Variants in CDCA7 observed in about 807,000 individuals in gnomAD.
CDCA7 encodes the protein cell division cycle-associated protein 7.
CDCA7 carries 28 observed loss-of-function variants against 54.0 expected under a neutral mutation model. The observed-to-expected ratio is 0.52, with a 90% CI of 0.38 to 0.71. The LOEUF (loss-of-function observed/expected upper bound fraction) is 0.71. CDCA7 is among the 30% of genes least tolerant of loss of function. CDCA7 has a pLI of 0.00. For synonymous variants in CDCA7, 180 were observed against 208.2 expected (o/e 0.86, Z 1.16); for missense variants, 484 against 586.0 (o/e 0.83, Z 1.80).
At chr2:173,355,823 T>C (rs1264771046) in intron 1 of CDCA7, among the ~76,000 whole-genome samples, 2 of 151,900 alleles carry the variant, frequency 1.3e-5, no homozygotes, top group Non-Finnish European at 2.9e-5. Flanking sequence ...GACAATGACA[T>C]GTTTAAAATA....
chr2:173,365,464 C>T lies in CDCA7; in HGVS notation c.907C>T (p.Pro303Ser), dbSNP rs781729910. ...CCTTGTAATGCAGGAAGATGACCTG[C>T]CCAGAAGCCGTCGCTCCAGATCATC... ...VDGYMNEDDL[P>S]RSRRSRSSVT... is the part of the protein sequence containing the mutation. Residue 303 changes from proline (P) to serine (S), a missense_variant, in exon 7 of 10, where the codon CCC becomes TCC. This residue lies in a region of CDCA7 where 398 missense variants were observed against 447.4 expected (regional missense o/e 0.89). Transcript: ENST00000306721. 2 of 1,613,374 alleles carry T rather than the reference C, an allele frequency of 1.2e-6. No homozygotes were observed. The highest frequency in any genetic ancestry group is 2.2e-5 in the East Asian group (1 of 44,880).
rs143686122 is a variant in CDCA7 at position 173,363,481 on chromosome 2, G to A, written c.621+19G>A. ...AGCAATGGTAGGTATCTGACTTTGT[G>A]TTAGAATTAATTTTTCCTCTCTAAG... is the stretch of plus-strand genomic sequence containing the variant. On this transcript the variant is annotated intron_variant, in intron 4 of 9. Transcript: ENST00000306721. The A allele has an allele frequency of 9.1e-4, 1,452 of 1,595,874 alleles. 24 individuals carry two copies. The East Asian group carries it at 0.031, about 34-fold the overall frequency.
At chr2:173,367,035 T>C in intron 8 of CDCA7, 115 bp from the exon 9 acceptor site, 1 of 1,393,490 alleles carries the variant, frequency 7.2e-7, no homozygotes, top group Non-Finnish European at 9.7e-7. Context: ...GCATGACTAA[T>C]GCCTATTAAT....
In CDCA7 at chr2:173,363,215, G is replaced by T. The variant is rs1320595944; in HGVS notation, c.385-11G>T. The T allele has an allele frequency of 6.2e-7, 1 of 1,613,468 alleles. No individual in the cohort carries two copies. The highest frequency in any genetic ancestry group is 2.2e-5 in the East Asian group (1 of 44,870). ...CTGATCAAGTCCTAATGACTCAATT[G>T]TTGTGATTAGAGGCTGCAGTCAGTT... On this transcript the variant is annotated splice_polypyrimidine_tract_variant and intron_variant, in intron 3 of 9. Transcript: ENST00000306721.
Position 173,365,463 on chromosome 2 carries a change from G to A in CDCA7, c.906G>A (p.Leu302=). ...TVDGYMNEDD[L]PRSRRSRSSV... ...TCCTTGTAATGCAGGAAGATGACCT[G>A]CCCAGAAGCCGTCGCTCCAGATCAT... Residue 302 remains leucine (L), a synonymous_variant, in exon 7 of 10, where the codon CTG becomes CTA. Coordinates refer to ENST00000306721, the MANE Select transcript of CDCA7 (RefSeq NM_031942.5). 6.2e-7 allele frequency: 1 copy of A among 1,613,464 alleles called. No individual in the cohort carries two copies.
In CDCA7 at chr2:173,359,233, CATTT is replaced by C. The variant is rs769639621; in HGVS notation, c.148-9_148-6del. The C allele has an allele frequency of 5.1e-6, 8 of 1,576,176 alleles. No homozygotes were observed. The highest frequency in any genetic ancestry group is 7.0e-6 in the Non-Finnish European group (8 of 1,150,950). ...GAAAAAGAAAAAAAATGCACAACCG[CATTT>C]ATTTATTTATTTTACAGAAACCTAA... On this transcript the variant is annotated intron_variant, in intron 2 of 9. Coordinates refer to ENST00000306721, the MANE Select transcript of CDCA7 (RefSeq NM_031942.5).
At chr2:173,362,702 G>A (rs1473338351) in intron 3 of CDCA7, among the ~76,000 whole-genome samples, 1 of 151,400 alleles carries the variant, frequency 6.6e-6, no homozygotes, top group Non-Finnish European at 1.5e-5. Context: ...AGCCTTCCAA[G>A]TAGCTGGGAC....
At chr2:173,365,254 C>T (rs990572310) in intron 6 of CDCA7, among the ~76,000 whole-genome samples, 198 bp from the exon 7 acceptor site, 1 of 152,160 alleles carries the variant, frequency 6.6e-6, no homozygotes, top group Non-Finnish European at 1.5e-5. Flanking sequence ...ATGGCCTGTT[C>T]CCCTACCATA....
In CDCA7 at chr2:173,367,620, T is replaced by A. The variant is rs200211368; in HGVS notation, c.1323-14T>A. On this transcript the variant is annotated splice_polypyrimidine_tract_variant and intron_variant, in intron 9 of 9. Transcript: ENST00000306721. ...AAAACTATGTCCTGACACATTTCCTTTTGTTTTTCACAGCCTGAAACAGGA... is the reference window on the plus strand; with the variant it reads ...AAAACTATGTCCTGACACATTTCCTATTGTTTTTCACAGCCTGAAACAGGA... The A allele has an allele frequency of 6.2e-7, 1 of 1,614,124 alleles. No individual in the cohort carries two copies. Among genetic ancestry groups the A allele is most frequent in the Non-Finnish European group, 8.5e-7 (1 of 1,179,998 alleles).
chr2:173,364,889 G>A lies in CDCA7; in HGVS notation c.794G>A (p.Arg265Gln), dbSNP rs368968744. 40 of 1,610,000 alleles carry A rather than the reference G, an allele frequency of 2.5e-5. No individual in the cohort carries two copies. The highest frequency in any genetic ancestry group is 2.0e-4 in the African/African-American group (15 of 74,746). ...CGTCCTCTTACCAGGTCAAGGTCCC[G>A]GATCCTCGGGTCCCTTGACGCTCTA... is the stretch of plus-strand genomic sequence containing the variant. ...RARPLTRSRS[R>Q]ILGSLDALPM... The change falls in exon 6 of 10, where the codon CGG (arginine) becomes CAG (glutamine). Residue 265 changes from arginine (R) to glutamine (Q), a missense_variant. Physicochemically the swap from Arg to Gln is conservative, Grantham distance 43 (BLOSUM62 1). Transcript: ENST00000306721.
At chr2:173,365,025 C>A in intron 6 of CDCA7, 36 bp downstream of exon 6, 1 of 1,527,532 alleles carries the variant, frequency 6.5e-7, no homozygotes, top group South Asian at 1.3e-5. Context: ...TCTTCTGATT[C>A]TCATCTTCGG....
intron 3 of CDCA7, among the ~76,000 whole-genome samples, chr2:173,360,641 A>G (rs1274633759): frequency 6.6e-6 from 1 of 152,030 alleles, no homozygotes; most frequent in Non-Finnish European, 1.5e-5. Flanking sequence ...ATGCCTGGGA[A>G]CTTTTAAAAA....
Position 173,354,962 on chromosome 2 carries a change from G to A in CDCA7, c.-2G>A. 6.9e-7 allele frequency: 1 copy of A among 1,454,788 alleles called. No individual in the cohort carries two copies. Among genetic ancestry groups the A allele is most frequent in the Non-Finnish European group, 9.0e-7 (1 of 1,111,454 alleles). The allele number at this position is 1,454,788 out of a possible 1,614,324, so 90.1% of individuals were successfully genotyped here. On this transcript the variant is annotated 5_prime_UTR_variant, in exon 1 of 10. Coordinates refer to ENST00000306721, the MANE Select transcript of CDCA7 (RefSeq NM_031942.5). ...GCGCCGATCTGGGCACCCGCCACCA[G>A]CATGGACGCTCGCCGCGTGCCGGTG...
At position 173,364,857 on chromosome 2, in the gene CDCA7, G is replaced by A. The variant is rs148404814; in HGVS notation, c.762G>A (p.Arg254=). ...PGVASRRNPE[R]RARPLTRSRS... is the part of the protein sequence containing the mutation. Reference sequence around the variant, plus strand: ...TTGCTTCCAGGAGAAACCCTGAACGGAGAGCTCGTCCTCTTACCAGGTCAA... The same window carrying A: ...TTGCTTCCAGGAGAAACCCTGAACGAAGAGCTCGTCCTCTTACCAGGTCAA... Residue 254 remains arginine (R), a synonymous_variant, in exon 6 of 10, where the codon CGG becomes CGA. Coordinates refer to ENST00000306721, the MANE Select transcript of CDCA7 (RefSeq NM_031942.5). The A allele has an allele frequency of 3.1e-6, 5 of 1,611,308 alleles. No homozygotes were observed. The African/African-American group carries it at 6.7e-5, about 22-fold the overall frequency.
rs770141916 is a variant in CDCA7 at position 173,358,788 on chromosome 2, C to T, written c.98C>T (p.Ser33Phe). The T allele has an allele frequency of 1.9e-6, 3 of 1,613,938 alleles. No individual in the cohort carries two copies. The highest frequency in any genetic ancestry group is 2.2e-5 in the South Asian group (2 of 91,016). Residue 33 changes from serine to phenylalanine, a missense_variant, in exon 2 of 10, where the codon TCC (serine) becomes TTC (phenylalanine). Physicochemically the swap from Ser to Phe is radical, Grantham distance 155. This residue lies in a region of CDCA7 where 398 missense variants were observed against 447.4 expected (regional missense o/e 0.89). Transcript: ENST00000306721. The part of the protein sequence containing the change: ...VKLISMETSS[S>F]SDDSCDSFAS... Reference sequence around the variant, plus strand: ...TTGATTTCCATGGAAACCTCGTCATCCTCTGATGACAGTTGTGACAGCTTT... The same window carrying T: ...TTGATTTCCATGGAAACCTCGTCATTCTCTGATGACAGTTGTGACAGCTTT...
In CDCA7 at chr2:173,366,237, A is replaced by T; in HGVS notation, c.1036-46A>T. On this transcript the variant is annotated intron_variant, in intron 7 of 9. Coordinates refer to ENST00000306721, the MANE Select transcript of CDCA7 (RefSeq NM_031942.5). This position sits in a 1 kb window ranked among gnomAD's most constrained non-coding sequence, Gnocchi z 4.5. ...GTAAATATGCCATTTCCTCTGTTGA[A>T]AAACAGTGGTTTTTTTTGTTTTTTT... The T allele has an allele frequency of 6.4e-7, 1 of 1,554,414 alleles. No individual in the cohort carries two copies. Among genetic ancestry groups the T allele is most frequent in the South Asian group, 1.2e-5 (1 of 85,198 alleles).
chr2:173,359,854 C>T (rs988404934), intron 3 of CDCA7, among the ~76,000 whole-genome samples: 2 of 152,134 alleles, frequency 1.3e-5, no homozygotes, highest in African/African-American at 4.8e-5. Context: ...TAGAGCAGAC[C>T]TTTGATAAAT....
rs1686761112 is a variant in CDCA7 at position 173,368,334 on chromosome 2, G to C, written c.*670G>C. Reference sequence around the variant, plus strand: ...ACACAATCATAATTCAAAGGTTGGTGGGCAATGTAATACTTAATTAAAATA... The same window carrying C: ...ACACAATCATAATTCAAAGGTTGGTCGGCAATGTAATACTTAATTAAAATA... On this transcript the variant is annotated 3_prime_UTR_variant, in exon 10 of 10. Transcript: ENST00000306721. The C allele has an allele frequency of 6.6e-6, 1 of 152,182 alleles. No individual in the cohort carries two copies. Among genetic ancestry groups the C allele is most frequent in the Admixed American group, 6.5e-5 (1 of 15,272 alleles). 9.4% of individuals were successfully genotyped at this position (152,182 alleles called of 1,614,324 possible). A position where few individuals can be genotyped will look rare whatever the true frequency, so the allele number is the denominator to read the frequency against.
At chr2:173,356,147 T>C (rs1239252502) in intron 1 of CDCA7, 1 of 152,214 alleles carries the variant, frequency 6.6e-6, no homozygotes, top group African/African-American at 2.4e-5. Flanking sequence ...CTACTATAAA[T>C]GGTATTAGTT....
Sources: gnomAD v4.1 joint callset for allele counts (sites outside exome capture counted in the v4.1 genomes callset) on GRCh38, gnomAD v4.1.1 for gene constraint, gnomAD v4.1.1 regional missense constraint, Gnocchi (gnomAD v3.1) non-coding constraint, MANE v1.5 for transcripts, NCBI Gene and HGNC (gene_info 2026-07-23, HGNC 2026-07-21) for gene names.